PBRM1: variants seen among roughly 807,000 people sequenced by gnomAD.
PBRM1 encodes protein polybromo-1.
A neutral mutation model predicts 194.5 loss-of-function variants in PBRM1; 27 were observed. The ratio of observed to expected loss-of-function variants is 0.14; its 90% confidence interval spans 0.10 to 0.19. The LOEUF (loss-of-function observed/expected upper bound fraction) is 0.19. Among genes scored for constraint, PBRM1 ranks in the 10% least tolerant of loss-of-function variants. The pLI is 1.00. For synonymous variants in PBRM1, 655 were observed against 693.2 expected (o/e 0.94, Z 0.87); for missense variants, 1,466 against 2,077.2 (o/e 0.71, Z 5.72).
upstream of PBRM1, among the ~76,000 whole-genome samples, chr3:52,680,605 C>T (rs1034384468): frequency 9.2e-5 from 14 of 152,222 alleles, no homozygotes; most frequent in African/African-American, 3.4e-4. Context: ...TATTGCAATA[C>T]AATCTAACAA....
chr3:52,601,782 G>T (rs1168846533), intron 17 of PBRM1, among the ~76,000 whole-genome samples: 1 of 152,176 alleles, frequency 6.6e-6, no homozygotes, highest in Non-Finnish European at 1.5e-5. Context: ...GGATCGAGCA[G>T]GTGGGTGGGT....
intron 27 of PBRM1, 129 bp from the exon 30 acceptor site, chr3:52,550,946 T>C: frequency 1.6e-6 from 1 of 616,524 alleles, no homozygotes; most frequent in Non-Finnish European, 2.8e-6. Context: ...TCTTTGTGGC[T>C]AGGAATCTTA....
chr3:52,651,994 A>C (rs150965354), intron 5 of PBRM1, among the ~76,000 whole-genome samples, 184 bp from the exon 7 acceptor site: 1 of 152,354 alleles, frequency 6.6e-6, no homozygotes, highest in East Asian at 1.9e-4. Flanking sequence ...TAATCTTAAG[A>C]AGCTTCATGA....
intron 13 of PBRM1, among the ~76,000 whole-genome samples, chr3:52,625,396 C>T (rs551656255): frequency 4.1e-4 from 62 of 152,102 alleles, no homozygotes; most frequent in African/African-American, 1.4e-3. Flanking sequence ...AATCTTTTAA[C>T]GTCCACTCAT....
rs184169873 is a variant in PBRM1 at position 52,661,850 on chromosome 3, C to A, written c.528+283G>T. Among the ~76,000 whole-genome samples, 15 of 152,284 alleles carry A rather than the reference C, an allele frequency of 9.9e-5. No individual in the cohort carries two copies. In the East Asian group the frequency reaches 1.9e-3, roughly 20 times the overall value. On this transcript the variant is annotated intron_variant, in intron 4 of 29. Transcript: ENST00000296302. ...CTCAATGTAGCAATACTGGACTAAT[C>A]CTTGATAATATCAAGATTCTCTTTA...
At chr3:52,664,517 C>A (rs1172445663) in intron 3 of PBRM1, among the ~76,000 whole-genome samples, 2 of 151,580 alleles carry the variant, frequency 1.3e-5, no homozygotes, top group African/African-American at 4.8e-5. Context: ...GAGTGGATCA[C>A]CTGAGGTCGG....
At chr3:52,673,791 C>T (rs2097014110) in intron 2 of PBRM1, among the ~76,000 whole-genome samples, 1 of 151,776 alleles carries the variant, frequency 6.6e-6, no homozygotes, top group Non-Finnish European at 1.5e-5. Context: ...TAGTTCATGC[C>T]TATAATCCCA....
chr3:52,601,851 ACT>A (rs1316947070), intron 17 of PBRM1, among the ~76,000 whole-genome samples: 1 of 151,960 alleles, frequency 6.6e-6, no homozygotes, highest in Non-Finnish European at 1.5e-5. Flanking sequence ...TGCTGGGCCA[ACT>A]CTCTGGGACC....
rs768403462 is a variant in PBRM1, at chr3:52,609,442, T to A, written c.2438A>T (p.Asn813Ile). Residue 813 changes from asparagine to isoleucine, a missense_variant, in exon 16 of 30, where the codon AAC becomes ATC. By Grantham distance (149) the Asn-to-Ile change is moderately radical. This residue lies in a region of PBRM1 where 687 missense variants were observed against 946.2 expected (regional missense o/e 0.73). Transcript: ENST00000296302. The surrounding 1 kb of genome is among the most constrained non-coding windows in gnomAD (Gnocchi z 4.1). ...TGTAAGGGGTGGTTTGTTAGGAAAG[T>A]TGGGATCCACAGCAGGAATTTCTGC... 7 of 1,613,980 alleles carry A rather than the reference T, an allele frequency of 4.3e-6. No individual in the cohort carries two copies. The highest frequency in any genetic ancestry group is 5.9e-6 in the Non-Finnish European group (7 of 1,179,980).
At chr3:52,592,228 T>G (rs1197894448) in intron 17 of PBRM1, among the ~76,000 whole-genome samples, 3 of 151,030 alleles carry the variant, frequency 2.0e-5, no homozygotes, top group Non-Finnish European at 4.4e-5. Flanking sequence ...GCCTCCTGGG[T>G]TCAAGTGATT....
intron 11 of PBRM1, among the ~76,000 whole-genome samples, chr3:52,632,287 G>A (rs977973008): frequency 6.6e-6 from 1 of 152,108 alleles, no homozygotes; most frequent in Non-Finnish European, 1.5e-5. Context: ...AGCTTTCACA[G>A]AAGAGATTTT....
intron 13 of PBRM1, among the ~76,000 whole-genome samples, chr3:52,621,935 A>T (rs936148809): frequency 1.3e-5 from 2 of 152,026 alleles, no homozygotes; most frequent in African/African-American, 4.8e-5. Flanking sequence ...GATCCTAGCT[A>T]CACATGAGGC....
In PBRM1 at chr3:52,587,523, G is replaced by C; in HGVS notation, c.2966-13C>G. On this transcript the variant is annotated splice_polypyrimidine_tract_variant and intron_variant, in intron 18 of 29. Coordinates refer to ENST00000296302, the Ensembl canonical transcript of PBRM1. ...AACCATTTTTCACCTCAAAAATGGG[G>C]GGTGGGGGAAGGGGAAGAGAAAGAG... The C allele has an allele frequency of 6.3e-7, 1 of 1,578,268 alleles. No homozygotes were observed. The highest frequency in any genetic ancestry group is 8.6e-7 in the Non-Finnish European group (1 of 1,161,852).
upstream of PBRM1, among the ~76,000 whole-genome samples, chr3:52,683,127 C>T (rs1187427059): frequency 3.3e-5 from 5 of 151,914 alleles, no homozygotes; most frequent in Admixed American, 6.5e-5. Context: ...CGCTTGAACC[C>T]GGGAGGCGGA....
At chr3:52,616,999 T>C (rs971422984) in intron 14 of PBRM1, among the ~76,000 whole-genome samples, 1 of 152,070 alleles carries the variant, frequency 6.6e-6, no homozygotes, top group African/African-American at 2.4e-5. Flanking sequence ...GATGAAGAAA[T>C]TGAGGCTCAG....
intron 10 of PBRM1, 145 bp downstream of exon 11, chr3:52,641,809 T>C (rs1439790552): frequency 2.8e-6 from 2 of 722,822 alleles, no homozygotes; most frequent in African/African-American, 1.8e-5. Context: ...TTGATAGGTC[T>C]GACTACCAGA....
intron 10 of PBRM1, among the ~76,000 whole-genome samples, chr3:52,635,375 G>C (rs964133231): frequency 6.6e-6 from 1 of 152,132 alleles, no homozygotes; most frequent in African/African-American, 2.4e-5. Context: ...AGACCAGCGT[G>C]GCCAACATGG....
At chr3:52,614,373 C>CAAAAA (rs1165930996) in intron 15 of PBRM1, among the ~76,000 whole-genome samples, 56 of 40,796 alleles carry the variant, frequency 1.4e-3, no homozygotes, top group East Asian at 3.1e-3. Flanking sequence ...GATGCTTCAT[C>CAAAAA]AAAAAAAAAA....
intron 2 of PBRM1, among the ~76,000 whole-genome samples, chr3:52,676,141 A>T (rs1237400962): frequency 0.041 from 1,243 of 30,114 alleles, 199 homozygotes; most frequent in Non-Finnish European, 0.064. Context: ...AAAAAAAAAA[A>T]AAAAAAAAAA....
Sources: allele counts gnomAD v4.1 joint callset (sites outside exome capture counted in the v4.1 genomes callset), GRCh38; gene constraint gnomAD v4.1.1; regional missense constraint gnomAD v4.1.1; non-coding constraint Gnocchi (gnomAD v3.1); transcripts MANE v1.5; gene names NCBI Gene and HGNC (gene_info 2026-07-23, HGNC 2026-07-21).